Variants in MYO10 observed in about 807,000 individuals in gnomAD.
MYO10 encodes myosin X.
A neutral mutation model predicts 257.3 loss-of-function variants in MYO10; 133 were observed. That is an observed-to-expected ratio of 0.52 (90% CI 0.45 to 0.60). MYO10 has a LOEUF of 0.60. Ranked by LOEUF, MYO10 falls within the 20% of genes least tolerant of loss-of-function variation. The probability of loss-of-function intolerance (pLI) is 0.00; values close to 1 mark genes in which losing one functional copy is unlikely to be tolerated. For synonymous variants in MYO10, 1,104 were observed against 1,028.6 expected, an observed-to-expected ratio of 1.07 and a Z score of -1.40; for missense variants, 2,399 against 2,635.7, an observed-to-expected ratio of 0.91 and a Z score of 1.97.
chr5:16,668,360 G>C lies in MYO10; in HGVS notation c.5992C>G (p.His1998Asp), dbSNP rs1276426334. The change falls in exon 40 of 41, where the codon CAC (histidine) becomes GAC (aspartate). Residue 1998 changes from histidine (H) to aspartate (D), a missense_variant. By Grantham distance (81) the His-to-Asp change is moderately conservative. Coordinates refer to ENST00000513610, the MANE Select transcript of MYO10 (RefSeq NM_012334.3). ...GRPLEVFQYEHILSFGAPLAN... is the reference protein window; with the variant it reads ...GRPLEVFQYEDILSFGAPLAN... ...AGGGGTGCCCCAAAAGAGAGGATGT[G>C]TTCATACTGGAAGACTTCCAGTGGT... 1 of 1,613,996 alleles carries C rather than the reference G, an allele frequency of 6.2e-7. No homozygotes were observed.
chr5:16,903,123 C>T (rs1745430186), intron 1 of MYO10, among the ~76,000 whole-genome samples: 1 of 152,212 alleles, frequency 6.6e-6, no homozygotes, highest in Non-Finnish European at 1.5e-5. Flanking sequence ...TAATAACACT[C>T]CCTACCAGGC....
intron 33 of MYO10, among the ~76,000 whole-genome samples, chr5:16,677,116 G>A (rs952689837): frequency 1.3e-5 from 2 of 151,936 alleles, no homozygotes; most frequent in African/African-American, 2.4e-5. Flanking sequence ...ATGGTCATCT[G>A]GATATGAAAA....
At chr5:16,809,196 A>C (rs907350708) in intron 3 of MYO10, among the ~76,000 whole-genome samples, 1 of 151,550 alleles carries the variant, frequency 6.6e-6, no homozygotes, top group African/African-American at 2.4e-5. Flanking sequence ...AAAACCCAGA[A>C]AGTCCTGACT....
intron 2 of MYO10, among the ~76,000 whole-genome samples, chr5:16,823,511 G>A (rs769280425): frequency 5.9e-4 from 62 of 104,312 alleles, no homozygotes; most frequent in Middle Eastern, 0.01. Flanking sequence ...TCACTCTGTC[G>A]CCCAGGCTAG....
At chr5:16,898,268 A>G (rs1745269714) in intron 1 of MYO10, among the ~76,000 whole-genome samples, 1 of 152,038 alleles carries the variant, frequency 6.6e-6, no homozygotes, top group Non-Finnish European at 1.5e-5. Context: ...AAAAAACTAC[A>G]AAGAAACAGG....
chr5:16,816,249 G>C (rs1386856256), intron 3 of MYO10, among the ~76,000 whole-genome samples: 6 of 148,406 alleles, frequency 4.0e-5, no homozygotes, highest in African/African-American at 1.5e-4. Context: ...TGAGGCAGGA[G>C]AATCACTTGA....
intron 3 of MYO10, among the ~76,000 whole-genome samples, chr5:16,812,896 A>G (rs1742483380): frequency 6.6e-6 from 1 of 151,954 alleles, no homozygotes; most frequent in African/African-American, 2.4e-5. Flanking sequence ...AGGGAAGATC[A>G]ACTCTAACTT....
intron 2 of MYO10, among the ~76,000 whole-genome samples, chr5:16,866,468 G>T (rs1744254144): frequency 6.6e-6 from 1 of 152,118 alleles, no homozygotes; most frequent in Admixed American, 6.5e-5. Flanking sequence ...TGAACCATAT[G>T]TGATTGCCGA....
At chr5:16,834,670 T>C (rs1272484287) in intron 2 of MYO10, among the ~76,000 whole-genome samples, 2 of 152,232 alleles carry the variant, frequency 1.3e-5, no homozygotes, top group Non-Finnish European at 2.9e-5. Context: ...ACTTTTCATT[T>C]ACAGGTCACC....
chr5:16,769,549 A>C (rs1000414735), intron 9 of MYO10, among the ~76,000 whole-genome samples: 1 of 152,184 alleles, frequency 6.6e-6, no homozygotes, highest in Non-Finnish European at 1.5e-5. Context: ...CATGTTGACC[A>C]GGCTGGTCTT....
chr5:16,768,754 ACCTT>A (rs1302384386), intron 10 of MYO10, among the ~76,000 whole-genome samples: 1 of 127,512 alleles, frequency 7.8e-6, no homozygotes, highest in Non-Finnish European at 1.6e-5. Flanking sequence ...AGCTCACTGC[ACCTT>A]CAACCCGCAG....
chr5:16,844,954 G>GCGCACA (rs1016464661), intron 2 of MYO10, among the ~76,000 whole-genome samples: 1 of 142,310 alleles, frequency 7.0e-6, no homozygotes, highest in African/African-American at 2.7e-5. Context: ...ACACACACAC[G>GCGCACA]CACACACACA....
chr5:16,734,634 G>A (rs6899227), intron 19 of MYO10, among the ~76,000 whole-genome samples: 38,379 of 151,814 alleles, frequency 0.25, 5,264 homozygotes, highest in African/African-American at 0.34. Context: ...GTGAAACCCC[G>A]TCTCTACTAA....
intron 2 of MYO10, among the ~76,000 whole-genome samples, chr5:16,823,722 T>C (rs535156244): frequency 2.0e-5 from 3 of 148,860 alleles, no homozygotes; most frequent in East Asian, 2.1e-4. Context: ...TCTGCCCGCC[T>C]TGGCCTCCCA....
intron 1 of MYO10, among the ~76,000 whole-genome samples, chr5:16,892,773 T>C (rs190910824): frequency 1.3e-5 from 2 of 152,312 alleles, no homozygotes; most frequent in African/African-American, 4.8e-5. Flanking sequence ...ATTGCTTTAA[T>C]TTAACTCTCC....
chr5:16,854,686 G>A (rs1049967603), intron 2 of MYO10, among the ~76,000 whole-genome samples: 1 of 152,170 alleles, frequency 6.6e-6, no homozygotes, highest in Non-Finnish European at 1.5e-5. Context: ...GGCAGTTTAA[G>A]TGGGTGAATT....
chr5:16,909,087 T>G (rs1320554983), intron 1 of MYO10, among the ~76,000 whole-genome samples: 1 of 152,162 alleles, frequency 6.6e-6, no homozygotes, highest in Non-Finnish European at 1.5e-5. Flanking sequence ...AAAAGAGGTT[T>G]AATGGACTCA....
rs756590912 is a variant in MYO10, at chr5:16,710,905, T to C, written c.2169+3A>G. Reference sequence around the variant, plus strand: ...TGGGAGTTGCTCTTTCTCCGCATCGTACCTTGGTCTTCCCCAGCTGCCACT... The same window carrying C: ...TGGGAGTTGCTCTTTCTCCGCATCGCACCTTGGTCTTCCCCAGCTGCCACT... On this transcript the variant is annotated splice_donor_region_variant and intron_variant, in intron 21 of 40. Coordinates refer to ENST00000513610, the MANE Select transcript of MYO10 (RefSeq NM_012334.3). The C allele has an allele frequency of 3.1e-6, 5 of 1,612,688 alleles. No homozygotes were observed. In the East Asian group the frequency reaches 1.1e-4, roughly 36 times the overall value.
chr5:16,925,064 C>T (rs1196001912), intron 1 of MYO10, among the ~76,000 whole-genome samples: 1 of 152,040 alleles, frequency 6.6e-6, no homozygotes, highest in Non-Finnish European at 1.5e-5. Flanking sequence ...ATCTCCTGAC[C>T]TCGTGATCCG....
Sources: allele counts gnomAD v4.1 joint callset (sites outside exome capture counted in the v4.1 genomes callset), GRCh38; gene constraint gnomAD v4.1.1; transcripts MANE v1.5; gene names NCBI Gene and HGNC (gene_info 2026-07-23, HGNC 2026-07-21).